Variants in SUDS3 observed in about 807,000 individuals in gnomAD.
SUDS3 encodes sin3 histone deacetylase corepressor complex component SDS3.
SUDS3 carries 23 observed loss-of-function variants against 53.5 expected under a neutral mutation model. That is an observed-to-expected ratio of 0.43 (90% CI 0.31 to 0.61). SUDS3 has a LOEUF of 0.61. Ranked by LOEUF, SUDS3 falls within the 20% of genes least tolerant of loss-of-function variation. SUDS3 has a pLI of 0.10. For missense variants in SUDS3, 291 were observed against 405.9 expected (o/e 0.72, Z 2.43); for synonymous variants, 150 against 148.5 (o/e 1.01, Z -0.08).
intron 6 of SUDS3, among the ~76,000 whole-genome samples, chr12:118,398,822 A>AT (rs2046239333): frequency 6.6e-6 from 1 of 151,984 alleles, no homozygotes; most frequent in African/African-American, 2.4e-5. Flanking sequence ...GTGCCAGACT[A>AT]TTGCTAGGTG....
At position 118,414,940 on chromosome 12, in the gene SUDS3, A is replaced by G. The variant is rs2046387472; in HGVS notation, c.*507A>G. The G allele has an allele frequency of 6.6e-6, 1 of 152,278 alleles. No homozygotes were observed. The highest frequency in any genetic ancestry group is 2.4e-5 in the African/African-American group (1 of 41,444). 9.4% of individuals were successfully genotyped at this position (152,278 alleles called of 1,614,324 possible). On this transcript the variant is annotated 3_prime_UTR_variant, in exon 12 of 12. Coordinates refer to ENST00000543473, the MANE Select transcript of SUDS3 (RefSeq NM_022491.3). ...CTTGGGGCAGAGGTCCTAGCAGGAG[A>G]TGATGAATTCTCGTGGCTCTCGGCC...
intron 11 of SUDS3, 135 bp downstream of exon 11, chr12:118,411,292 T>G: frequency 1.3e-6 from 1 of 748,696 alleles, no homozygotes; most frequent in Non-Finnish European, 2.2e-6. Context: ...GATTCTAAAG[T>G]CAGGCAGAAA....
At chr12:118,391,002 A>G in intron 5 of SUDS3, 124 bp from the exon 6 acceptor site, 2 of 1,078,968 alleles carry the variant, frequency 1.9e-6, no homozygotes, top group South Asian at 1.3e-5. Flanking sequence ...ACACACTGTT[A>G]CTGCAAGTGT....
chr12:118,380,446 A>T (rs1413197701), intron 2 of SUDS3, among the ~76,000 whole-genome samples: 2 of 152,206 alleles, frequency 1.3e-5, no homozygotes, highest in Non-Finnish European at 2.9e-5. Flanking sequence ...AATAATCTAA[A>T]ATTTGAAAAA....
chr12:118,414,596 G>A lies in SUDS3; in HGVS notation c.*163G>A, dbSNP rs1234780367. Reference sequence around the variant, plus strand: ...AATTCTTTAGGGCACTTTTGTGGCCGGATGCTTCCAACTTTGTCAGTCTTT... The same window carrying A: ...AATTCTTTAGGGCACTTTTGTGGCCAGATGCTTCCAACTTTGTCAGTCTTT... On this transcript the variant is annotated 3_prime_UTR_variant, in exon 12 of 12. Coordinates refer to ENST00000543473, the MANE Select transcript of SUDS3 (RefSeq NM_022491.3). The A allele has an allele frequency of 7.6e-5, 39 of 515,602 alleles. No homozygotes were observed. The highest frequency in any genetic ancestry group is 5.2e-4 in the Admixed American group (13 of 24,900). 31.9% of individuals were successfully genotyped at this position (515,602 alleles called of 1,614,324 possible). A position where few individuals can be genotyped will look rare whatever the true frequency, so the allele number is the denominator to read the frequency against.
At position 118,376,836 on chromosome 12, in the gene SUDS3, G is replaced by T. The variant is rs1291330973; in HGVS notation, c.142+3G>T. 2 of 1,530,018 alleles carry T rather than the reference G, an allele frequency of 1.3e-6. No individual in the cohort carries two copies. The allele number at this position is 1,530,018 out of a possible 1,614,324, so 94.8% of individuals were successfully genotyped here. On this transcript the variant is annotated splice_donor_region_variant and intron_variant, in intron 1 of 11. Coordinates refer to ENST00000543473, the MANE Select transcript of SUDS3 (RefSeq NM_022491.3). Reference sequence around the variant, plus strand: ...TCGGGGCCGCGAGTCGGACGAAGGTGAGTCCTGCCGCTCGCCCGGCCGCCC... The same window carrying T: ...TCGGGGCCGCGAGTCGGACGAAGGTTAGTCCTGCCGCTCGCCCGGCCGCCC...
In SUDS3 at chr12:118,414,441, C is replaced by G. The variant is rs780064974; in HGVS notation, c.*8C>G. ...CGGCGCTCAGCTGCTTGACTTTCTA[C>G]AGTGCTCTTCTCTTGACCCTTTTTC... On this transcript the variant is annotated 3_prime_UTR_variant, in exon 12 of 12. Transcript: ENST00000543473. 5.7e-6 allele frequency: 9 copies of G among 1,568,492 alleles called. No individual in the cohort carries two copies. Among genetic ancestry groups the G allele is most frequent in the Non-Finnish European group, 7.8e-6 (9 of 1,158,748 alleles).
At chr12:118,377,971 A>G (rs1355824449) in intron 1 of SUDS3, among the ~76,000 whole-genome samples, 1 of 152,214 alleles carries the variant, frequency 6.6e-6, no homozygotes, top group Non-Finnish European at 1.5e-5. Context: ...AGACAGCTGC[A>G]TATGCATGAC....
Position 118,416,771 on chromosome 12 carries a change from G to A in SUDS3, c.*2338G>A, listed in dbSNP as rs528256994. 1 of 152,326 alleles carries A rather than the reference G, an allele frequency of 6.6e-6. No homozygotes were observed. Among genetic ancestry groups the A allele is most frequent in the East Asian group, 1.9e-4 (1 of 5,188 alleles). The allele number at this position is 152,326 out of a possible 1,614,324, so 9.4% of individuals were successfully genotyped here. A position where few individuals can be genotyped will look rare whatever the true frequency, so the allele number is the denominator to read the frequency against. ...TGTGGTGGGCAGAAGCCTTACTAAA[G>A]GGGAAGACAGACTTTGAAGTTTCTA... On this transcript the variant is annotated 3_prime_UTR_variant, in exon 12 of 12. Transcript: ENST00000543473.
chr12:118,389,035 G>T (rs1179534170), intron 4 of SUDS3, among the ~76,000 whole-genome samples: 2 of 152,116 alleles, frequency 1.3e-5, no homozygotes, highest in East Asian at 3.9e-4. Flanking sequence ...TTTAATCCTA[G>T]CTACTTGGGA....
In SUDS3 at chr12:118,380,203, G is replaced by A. The variant is rs767458289; in HGVS notation, c.184G>A (p.Glu62Lys). The change falls in exon 2 of 12, where the codon GAA (glutamate) becomes AAA (lysine). Residue 62 changes from glutamate (E) to lysine (K), a missense_variant. Glu to Lys is a moderately conservative substitution (Grantham distance 56). Coordinates refer to ENST00000543473, the MANE Select transcript of SUDS3 (RefSeq NM_022491.3). ...TGAAACTGACCTGGCAAAGCATGAT[G>A]AAGAAGACTATGTAGAAATGAAGGA... ...ASETDLAKHD[E>K]EDYVEMKEQM... 2 of 1,608,958 alleles carry A rather than the reference G, an allele frequency of 1.2e-6. No homozygotes were observed. Among genetic ancestry groups the A allele is most frequent in the East Asian group, 2.2e-5 (1 of 44,828 alleles).
intron 11 of SUDS3, among the ~76,000 whole-genome samples, chr12:118,413,716 A>T (rs895378735): frequency 2.0e-5 from 3 of 152,212 alleles, no homozygotes; most frequent in African/African-American, 7.2e-5. Context: ...TCTGCCCTGT[A>T]AAATGCACTG....
intron 6 of SUDS3, among the ~76,000 whole-genome samples, chr12:118,399,742 A>G (rs2046247125): frequency 6.6e-6 from 1 of 152,140 alleles, no homozygotes; most frequent in African/African-American, 2.4e-5. Context: ...CTCGCATGGA[A>G]GGAGGGATAG....
chr12:118,383,584 C>G (rs2046087275), intron 2 of SUDS3, among the ~76,000 whole-genome samples: 2 of 152,342 alleles, frequency 1.3e-5, no homozygotes, highest in African/African-American at 4.8e-5. Flanking sequence ...CTAAGCATAT[C>G]TGCATAGAAA....
intron 9 of SUDS3, 112 bp from the exon 10 acceptor site, chr12:118,403,300 C>T: frequency 1.2e-6 from 1 of 816,860 alleles, no homozygotes; most frequent in Non-Finnish European, 2.0e-6. Context: ...ACTGTAAGGG[C>T]TCAGTGATGA....
In SUDS3 at chr12:118,376,560, C is replaced by A; in HGVS notation, c.-132C>A. ...CGCGGGGGGCGGAGCTCGGCGGAGA[C>A]GGGGAAGGGGTCGCCGTGGCTGCCG... On this transcript the variant is annotated 5_prime_UTR_variant, in exon 1 of 12. Coordinates refer to ENST00000543473, the MANE Select transcript of SUDS3 (RefSeq NM_022491.3). 8.5e-7 allele frequency: 1 copy of A among 1,170,204 alleles called. No individual in the cohort carries two copies. The allele number at this position is 1,170,204 out of a possible 1,614,324, so 72.5% of individuals were successfully genotyped here.
Position 118,416,722 on chromosome 12 carries a change from C to A in SUDS3, c.*2289C>A, listed in dbSNP as rs546008228. The A allele has an allele frequency of 6.6e-6, 1 of 152,280 alleles. No individual in the cohort carries two copies. The highest frequency in any genetic ancestry group is 2.4e-5 in the African/African-American group (1 of 41,556). 9.4% of individuals were successfully genotyped at this position (152,280 alleles called of 1,614,324 possible). On this transcript the variant is annotated 3_prime_UTR_variant, in exon 12 of 12. Coordinates refer to ENST00000543473, the MANE Select transcript of SUDS3 (RefSeq NM_022491.3). ...GGTGACCAGGAACAGAAGCAGCCTT[C>A]CTGTTAGTAGATGGGGGTACTTCTG...
intron 2 of SUDS3, among the ~76,000 whole-genome samples, chr12:118,380,945 C>T (rs547475149): frequency 5.0e-4 from 76 of 152,254 alleles, no homozygotes; most frequent in Non-Finnish European, 8.4e-4. Context: ...GCTCGTGATC[C>T]GCCCACCTTG....
In SUDS3 at chr12:118,376,808, C is replaced by T. The variant is rs1338534792; in HGVS notation, c.117C>T (p.Ser39=). 4 of 1,547,676 alleles carry T rather than the reference C, an allele frequency of 2.6e-6. No homozygotes were observed. The Admixed American group carries it at 5.7e-5, about 22-fold the overall frequency. ...AGAGCGCCGAGGACGACGAGCGCAG[C>T]TGTCGGGGCCGCGAGTCGGACGAAG... ...ELESAEDDER[S]CRGRESDEDT... The change falls in exon 1 of 12, where the codon AGC becomes AGT. Residue 39 remains serine, a synonymous_variant. Coordinates refer to ENST00000543473, the MANE Select transcript of SUDS3 (RefSeq NM_022491.3).
Sources: gnomAD v4.1 joint callset for allele counts (sites outside exome capture counted in the v4.1 genomes callset) on GRCh38, gnomAD v4.1.1 for gene constraint, MANE v1.5 for transcripts, NCBI Gene and HGNC (gene_info 2026-07-23, HGNC 2026-07-21) for gene names.